TMEM260: variants seen among roughly 807,000 people sequenced by gnomAD.
TMEM260 encodes transmembrane protein 260.
Under a neutral mutation model 88.9 loss-of-function variants are expected in TMEM260, and 82 were observed. The ratio of observed to expected loss-of-function variants is 0.92; its 90% CI spans 0.77 to 1.11. The LOEUF (loss-of-function observed/expected upper bound fraction) is 1.11. Ranked by LOEUF, TMEM260 falls within the 50% of genes least tolerant of loss-of-function variation. The probability of loss-of-function intolerance (pLI) is 0.00; values close to 1 mark genes in which losing one functional copy is unlikely to be tolerated. For missense variants in TMEM260, 902 were observed against 853.4 expected, an observed-to-expected ratio of 1.06 and a Z score of -0.71; for synonymous variants, 314 against 309.3, an observed-to-expected ratio of 1.02 and a Z score of -0.16.
At chr14:56,591,914 A>C (rs1337480977) in intron 3 of TMEM260, among the ~76,000 whole-genome samples, 1 of 152,176 alleles carries the variant, frequency 6.6e-6, no homozygotes, top group Non-Finnish European at 1.5e-5. Context: ...CACAACTCTT[A>C]ATTCTAATGG....
intron 15 of TMEM260, among the ~76,000 whole-genome samples, chr14:56,645,918 A>G (rs139565138): frequency 9.7e-4 from 148 of 152,326 alleles, no homozygotes; most frequent in African/African-American, 3.2e-3. Context: ...ACCTTGATGT[A>G]TATGAAAGTG....
intron 9 of TMEM260, among the ~76,000 whole-genome samples, chr14:56,618,057 C>T (rs959192061): frequency 3.3e-5 from 5 of 152,194 alleles, no homozygotes; most frequent in Non-Finnish European, 7.3e-5. Flanking sequence ...CCTGTCTCCC[C>T]CACCCCACTG....
chr14:56,648,864 G>T lies in TMEM260; in HGVS notation c.*1367G>T, dbSNP rs143813323. ...AGTCATGAAGGTGCTTCAAGACAAG[G>T]GTGCCTCTAAAAGCTTGACAGGGCC... is the stretch of plus-strand genomic sequence containing the variant. On this transcript the variant is annotated 3_prime_UTR_variant, in exon 16 of 16. Coordinates refer to ENST00000261556, the MANE Select transcript of TMEM260 (RefSeq NM_017799.4). 1 of 152,588 alleles carries T rather than the reference G, an allele frequency of 6.6e-6. No individual in the cohort carries two copies. Among genetic ancestry groups the T allele is most frequent in the Non-Finnish European group, 1.5e-5 (1 of 68,042 alleles). The allele number at this position is 152,588 out of a possible 1,614,324, so 9.5% of individuals were successfully genotyped here. A position where few individuals can be genotyped will look rare whatever the true frequency, so the allele number is the denominator to read the frequency against.
intron 15 of TMEM260, among the ~76,000 whole-genome samples, chr14:56,638,755 T>TG (rs1889327009): frequency 6.6e-6 from 1 of 152,128 alleles, no homozygotes; most frequent in Non-Finnish European, 1.5e-5. Context: ...TCCTACTCAA[T>TG]AGCTCATACA....
At position 56,621,578 on chromosome 14, in the gene TMEM260, A is replaced by T; in HGVS notation, c.1274A>T (p.Asn425Ile). 6.2e-7 allele frequency: 1 copy of T among 1,611,286 alleles called. No individual in the cohort carries two copies. The highest frequency in any genetic ancestry group is 8.5e-7 in the Non-Finnish European group (1 of 1,178,938). ...TNYVIDKFAKNLLTSMPHDAI... is the reference protein window; with the variant it reads ...TNYVIDKFAKILLTSMPHDAI... ...TATGTGATTGATAAGTTCGCAAAGA[A>T]CCTTCTCACCTCTATGCCTCATGAT... Residue 425 changes from asparagine (N) to isoleucine (I), a missense_variant, in exon 11 of 16, where the codon AAC (asparagine) becomes ATC (isoleucine). Coordinates refer to ENST00000261556, the MANE Select transcript of TMEM260 (RefSeq NM_017799.4).
intron 15 of TMEM260, among the ~76,000 whole-genome samples, chr14:56,644,483 C>T (rs1042484358): frequency 6.6e-6 from 1 of 151,976 alleles, no homozygotes; most frequent in African/African-American, 2.4e-5. Context: ...CCCTTCCTTA[C>T]ACCTTATACA....
At chr14:56,593,726 C>T (rs1399350122) in intron 3 of TMEM260, among the ~76,000 whole-genome samples, 18 of 110,956 alleles carry the variant, frequency 1.6e-4, no homozygotes, top group Middle Eastern at 8.8e-3. Flanking sequence ...CTCGGTCTGT[C>T]GCCCAGGCTG....
intron 4 of TMEM260, among the ~76,000 whole-genome samples, chr14:56,605,215 T>C (rs1886820679): frequency 6.6e-6 from 1 of 152,218 alleles, no homozygotes; most frequent in Non-Finnish European, 1.5e-5. Flanking sequence ...TTCATTTGTT[T>C]AATAGGAGAA....
intron 12 of TMEM260, among the ~76,000 whole-genome samples, chr14:56,626,315 G>A (rs1566562114): frequency 6.6e-6 from 1 of 152,130 alleles, no homozygotes; most frequent in Non-Finnish European, 1.5e-5. Flanking sequence ...AATGCGCTGT[G>A]AGAGTAACAT....
At position 56,646,767 on chromosome 14, in the gene TMEM260, G is replaced by A. The variant is rs541244112; in HGVS notation, c.1870-476G>A. Among the ~76,000 whole-genome samples the A allele has an allele frequency of 2.6e-5, 4 of 152,020 alleles. No homozygotes were observed. The South Asian group carries it at 8.3e-4, about 32-fold the overall frequency. On this transcript the variant is annotated intron_variant, in intron 15 of 15. Coordinates refer to ENST00000261556, the MANE Select transcript of TMEM260 (RefSeq NM_017799.4). Reference sequence around the variant, plus strand: ...TAGTGTTGTTAGTGTTGTTTTTAATGTAGAGAGAAATTTCTGTCAAAAATG... The same window carrying A: ...TAGTGTTGTTAGTGTTGTTTTTAATATAGAGAGAAATTTCTGTCAAAAATG...
intron 3 of TMEM260, among the ~76,000 whole-genome samples, chr14:56,592,004 T>C (rs867739294): frequency 1.1e-4 from 16 of 152,336 alleles, no homozygotes; most frequent in South Asian, 6.2e-4. Flanking sequence ...TTTTCCTTTT[T>C]GAAGGCTTTA....
intron 4 of TMEM260, 24 bp downstream of exon 4, chr14:56,604,016 A>G: frequency 6.6e-7 from 1 of 1,509,546 alleles, no homozygotes; most frequent in Non-Finnish European, 8.8e-7. Flanking sequence ...ATCAAAGTGA[A>G]ATCAGTTTTT....
chr14:56,636,440 G>T, intron 14 of TMEM260, 68 bp from the exon 15 acceptor site: 1 of 1,270,434 alleles, frequency 7.9e-7, no homozygotes, highest in Non-Finnish European at 1.2e-6. Context: ...AAGCCTGGAA[G>T]ATTTAGCTAG....
At position 56,621,586 on chromosome 14, in the gene TMEM260, A is replaced by G. The variant is rs1156351692; in HGVS notation, c.1282A>G (p.Thr428Ala). Residue 428 changes from threonine (T) to alanine (A), a missense_variant, in exon 11 of 16, where the codon ACC becomes GCC. Thr to Ala is a moderately conservative substitution (Grantham distance 58). Coordinates refer to ENST00000261556, the MANE Select transcript of TMEM260 (RefSeq NM_017799.4). ...TGATAAGTTCGCAAAGAACCTTCTC[A>G]CCTCTATGCCTCATGATGCAATTAT... ...VIDKFAKNLL[T>A]SMPHDAIILL... The G allele has an allele frequency of 3.1e-6, 5 of 1,612,662 alleles. No individual in the cohort carries two copies. The highest frequency in any genetic ancestry group is 4.2e-6 in the Non-Finnish European group (5 of 1,179,436).
rs71980937 is a variant in TMEM260, at chr14:56,627,658, T to TC, written c.1547+2135dup. 1.9e-3 allele frequency among the ~76,000 whole-genome samples: 285 copies of TC among 151,884 alleles called. 2 individuals are homozygous for TC. The highest frequency in any genetic ancestry group is 6.6e-3 in the African/African-American group (274 of 41,408). The stretch of plus-strand genomic sequence containing the variant: ...TAAAGGCATGTGATAGAGATATTTT[T>TC]CCCCCCCAAAGGGATGGACCATCAT... On this transcript the variant is annotated intron_variant, in intron 12 of 15. Coordinates refer to ENST00000261556, the MANE Select transcript of TMEM260 (RefSeq NM_017799.4).
At chr14:56,586,910 T>C (rs919509270) in intron 3 of TMEM260, among the ~76,000 whole-genome samples, 4 of 152,068 alleles carry the variant, frequency 2.6e-5, no homozygotes, top group Non-Finnish European at 5.9e-5. Context: ...TCAAGTATTG[T>C]AACTGTTGAT....
chr14:56,632,156 C>G (rs1024282650), intron 12 of TMEM260, among the ~76,000 whole-genome samples: 2 of 152,206 alleles, frequency 1.3e-5, no homozygotes, highest in African/African-American at 4.8e-5. Context: ...CTCTGCATCT[C>G]TCTCCTTTCT....
At chr14:56,643,731 C>T (rs567041850) in intron 15 of TMEM260, among the ~76,000 whole-genome samples, 4 of 152,298 alleles carry the variant, frequency 2.6e-5, no homozygotes, top group Admixed American at 2.6e-4. Context: ...TCCCTGTTTG[C>T]AGATGACATG....
rs1594907444 is a variant in TMEM260, at chr14:56,647,375, A to G, written c.2002A>G (p.Ile668Val). The G allele has an allele frequency of 6.2e-7, 1 of 1,614,216 alleles. No homozygotes were observed. The highest frequency in any genetic ancestry group is 8.5e-7 in the Non-Finnish European group (1 of 1,180,042). The change falls in exon 16 of 16, where the codon ATC becomes GTC. Residue 668 changes from isoleucine to valine, a missense_variant. By Grantham distance (29) the Ile-to-Val change is conservative. Transcript: ENST00000261556. The part of the protein sequence containing the change: ...ADPEVLLSET[I>V]RHFRLYSQKA... ...TCCTGAAGTGCTGTTATCGGAAACC[A>G]TCAGACATTTCCGTCTGTACTCTCA...
Sources: allele counts gnomAD v4.1 joint callset (sites outside exome capture counted in the v4.1 genomes callset), GRCh38; gene constraint gnomAD v4.1.1; transcripts MANE v1.5; gene names NCBI Gene and HGNC (gene_info 2026-07-23, HGNC 2026-07-21).